BCAS4: variants seen among roughly 807,000 people sequenced by gnomAD.
The protein encoded by BCAS4 is breast carcinoma-amplified sequence 4.
In BCAS4, 9 loss-of-function variants were observed where a neutral mutation model predicts 15.7. The ratio of observed to expected loss-of-function variants is 0.57; its 90% CI spans 0.34 to 1.00. The LOEUF is 1.00. Among genes scored for constraint, BCAS4 ranks in the 50% least tolerant of loss-of-function variants. The pLI is 0.02. For synonymous variants in BCAS4, 101 were observed against 99.5 expected (o/e 1.02, Z -0.09); for missense variants, 225 against 239.1 (o/e 0.94, Z 0.39).
chr20:50,872,993 C>G (rs1171816441), intron 4 of BCAS4, among the ~76,000 whole-genome samples: 1 of 152,238 alleles, frequency 6.6e-6, no homozygotes, highest in African/African-American at 2.4e-5. Context: ...GTTCAATAAT[C>G]CATTGTGACG....
intron 4 of BCAS4, among the ~76,000 whole-genome samples, chr20:50,871,228 G>C (rs1979625758): frequency 6.6e-6 from 1 of 152,210 alleles, no homozygotes; most frequent in Non-Finnish European, 1.5e-5. Context: ...CCCAGCTCCA[G>C]TGCTCCCTCC....
intron 2 of BCAS4, among the ~76,000 whole-genome samples, chr20:50,822,480 G>A (rs886962657): frequency 5.3e-5 from 8 of 152,134 alleles, no homozygotes; most frequent in Non-Finnish European, 8.8e-5. Flanking sequence ...AGGCAGAGAT[G>A]TGTGCTTTAC....
chr20:50,835,174 C>T (rs578044284), intron 3 of BCAS4, among the ~76,000 whole-genome samples: 3 of 152,024 alleles, frequency 2.0e-5, no homozygotes, highest in South Asian at 2.1e-4. Context: ...GAACTCAACT[C>T]GTTTTAGGAC....
intron 4 of BCAS4, among the ~76,000 whole-genome samples, chr20:50,872,359 A>G (rs933623990): frequency 1.3e-5 from 2 of 151,250 alleles, no homozygotes; most frequent in African/African-American, 4.9e-5. Flanking sequence ...TCACGAGGTC[A>G]GGAGATTGAG....
At chr20:50,811,559 G>A (rs1351041962) in intron 1 of BCAS4, among the ~76,000 whole-genome samples, 1 of 152,060 alleles carries the variant, frequency 6.6e-6, no homozygotes, top group East Asian at 1.9e-4. Flanking sequence ...TCCATGCAGA[G>A]GGGCAATCAC....
At chr20:50,833,842 G>C (rs940053472) in intron 3 of BCAS4, among the ~76,000 whole-genome samples, 3 of 152,204 alleles carry the variant, frequency 2.0e-5, no homozygotes, top group African/African-American at 7.2e-5. Context: ...ATTAGACAGG[G>C]AAGCAGGCCG....
At chr20:50,795,756 T>C (rs1310182926) in intron 1 of BCAS4, among the ~76,000 whole-genome samples, 2 of 152,366 alleles carry the variant, frequency 1.3e-5, no homozygotes, top group Non-Finnish European at 2.9e-5. Flanking sequence ...CCCATTCTCT[T>C]TTTAAACCAC....
At chr20:50,857,562 G>C (rs1436672414) in intron 4 of BCAS4, among the ~76,000 whole-genome samples, 1 of 152,220 alleles carries the variant, frequency 6.6e-6, no homozygotes, top group African/African-American at 2.4e-5. Flanking sequence ...AGGTCACACA[G>C]CTAGGAAGGG....
chr20:50,798,976 G>A (rs907151670), intron 1 of BCAS4, among the ~76,000 whole-genome samples: 9 of 152,264 alleles, frequency 5.9e-5, no homozygotes, highest in South Asian at 2.1e-4. Flanking sequence ...AATGGTTCAG[G>A]GCTGGTGCGT....
chr20:50,880,986 A>T (rs149802148), downstream of BCAS4: 50 of 152,290 alleles, frequency 3.3e-4, no homozygotes, highest in African/African-American at 1.1e-3. Context: ...GAATCCTACC[A>T]CTTTGGGAGG....
chr20:50,841,675 G>A, intron 3 of BCAS4, 91 bp from the exon 4 acceptor site: 1 of 1,570,386 alleles, frequency 6.4e-7, no homozygotes, highest in South Asian at 1.1e-5. Flanking sequence ...AGTGATGAAA[G>A]GCCTGGAGTC....
chr20:50,872,198 AG>A (rs1979678494), intron 4 of BCAS4, among the ~76,000 whole-genome samples: 1 of 141,298 alleles, frequency 7.1e-6, no homozygotes, highest in Admixed American at 7.6e-5. Context: ...CGGAAGGCAG[AG>A]GCTTCGGTGA....
chr20:50,794,911 C>A (rs2087830324), upstream of BCAS4: 3 of 982,240 alleles, frequency 3.1e-6, no homozygotes, highest in African/African-American at 5.2e-5. Context: ...TGGCGCTGCC[C>A]GCTCGGCCCG....
At chr20:50,828,055 TATGAG>T (rs2088300540) in intron 2 of BCAS4, among the ~76,000 whole-genome samples, 1 of 150,462 alleles carries the variant, frequency 6.6e-6, no homozygotes, top group South Asian at 2.1e-4. Context: ...TTTTTCAAAA[TATGAG>T]ATGAGGAAAC....
upstream of BCAS4, chr20:50,795,054 C>T (rs757742632): frequency 1.6e-5 from 24 of 1,477,542 alleles, 1 homozygote; most frequent in African/African-American, 1.3e-4. Context: ...CCCAGGCAGC[C>T]TCCGCCAGCC....
intron 4 of BCAS4, among the ~76,000 whole-genome samples, chr20:50,860,035 C>T (rs903615963): frequency 6.6e-6 from 1 of 152,064 alleles, no homozygotes; most frequent in African/African-American, 2.4e-5. Flanking sequence ...ATTTGGGAAG[C>T]TGAGGTAGGA....
chr20:50,839,665 G>A (rs2088452984), intron 3 of BCAS4, among the ~76,000 whole-genome samples: 1 of 152,102 alleles, frequency 6.6e-6, no homozygotes, highest in Non-Finnish European at 1.5e-5. Flanking sequence ...ACCACACTCG[G>A]CTAATTTTTT....
At position 50,798,518 on chromosome 20, in the gene BCAS4, A is replaced by G. The variant is rs2087892603; in HGVS notation, c.90+3345A>G. Among the ~76,000 whole-genome samples, 5 of 152,276 alleles carry G rather than the reference A, an allele frequency of 3.3e-5. No homozygotes were observed. In the South Asian group the frequency reaches 1.0e-3, roughly 32 times the overall value. ...AGTGAGGCCCCCGTCTCTAGTTAATAAAAAAATAAAAATAAAAAGCATATC... is the reference window on the plus strand; with the variant it reads ...AGTGAGGCCCCCGTCTCTAGTTAATGAAAAAATAAAAATAAAAAGCATATC... On this transcript the variant is annotated intron_variant, in intron 1 of 4. Transcript: ENST00000371608.
intron 4 of BCAS4, among the ~76,000 whole-genome samples, chr20:50,856,040 C>G (rs911546601): frequency 2.6e-5 from 4 of 152,144 alleles, no homozygotes; most frequent in African/African-American, 9.7e-5. Flanking sequence ...GTGTGGCATT[C>G]GCAGCACAGC....
Sources: gnomAD v4.1 joint callset for allele counts (sites outside exome capture counted in the v4.1 genomes callset) on GRCh38, gnomAD v4.1.1 for gene constraint, MANE v1.5 for transcripts, NCBI Gene and HGNC (gene_info 2026-07-23, HGNC 2026-07-21) for gene names.